The following NFIB variants were observed in gnomAD, a reference collection of about 807,000 sequenced individuals.
NFIB encodes nuclear factor 1 B-type.
In NFIB, 11 loss-of-function variants were observed where a neutral mutation model predicts 61.5. The observed-to-expected ratio is 0.18, with a 90% CI of 0.11 to 0.30. NFIB has a LOEUF of 0.30. NFIB is among the 10% of genes least tolerant of loss of function. The pLI is 1.00. For synonymous variants in NFIB, 260 were observed against 216.5 expected, an observed-to-expected ratio of 1.20 and a Z score of -1.76; for missense variants, 471 against 608.9, an observed-to-expected ratio of 0.77 and a Z score of 2.38.
At chr9:14,496,674 C>T in the NFIB span, among the ~76,000 whole-genome samples, 18 of 152,128 alleles carry the variant, frequency 1.2e-4, no homozygotes, top group South Asian at 4.1e-4. Context: ...GTGAGGTACC[C>T]ACACAGTTCC....
intron 2 of NFIB, among the ~76,000 whole-genome samples, chr9:14,225,156 C>G (rs368848226): frequency 1.3e-5 from 2 of 152,064 alleles, no homozygotes; most frequent in East Asian, 1.9e-4. Flanking sequence ...TAAGTGAGAA[C>G]AGAAGGTATT....
chr9:14,121,111 A>G (rs1184443140), intron 7 of NFIB, among the ~76,000 whole-genome samples: 1 of 152,248 alleles, frequency 6.6e-6, no homozygotes, highest in East Asian at 1.9e-4. Flanking sequence ...GAAAATACAA[A>G]AAATTAGCTG....
chr9:14,503,153 AATAT>A, the NFIB span, among the ~76,000 whole-genome samples: 2 of 149,714 alleles, frequency 1.3e-5, no homozygotes, highest in Non-Finnish European at 3.0e-5. Flanking sequence ...TATATAAAAT[AATAT>A]ATATATATAT....
At chr9:14,360,659 C>A (rs1294629844) in intron 1 of NFIB, among the ~76,000 whole-genome samples, 1 of 151,996 alleles carries the variant, frequency 6.6e-6, no homozygotes, top group Non-Finnish European at 1.5e-5. Flanking sequence ...ATTCTCCTGC[C>A]TCAGCCTTCT....
chr9:14,157,334 G>A lies in NFIB; in HGVS notation c.617-1441C>T, dbSNP rs555856406. On this transcript the variant is annotated intron_variant, in intron 3 of 10. Coordinates refer to ENST00000380953, the MANE Select transcript of NFIB (RefSeq NM_001190737.2). Reference sequence around the variant, plus strand: ...CAACCATACATAGCATGAAAAGACAGAAAATCATTCAATTAGCATATGTGT... The same window carrying A: ...CAACCATACATAGCATGAAAAGACAAAAAATCATTCAATTAGCATATGTGT... 2.0e-4 allele frequency among the ~76,000 whole-genome samples: 31 copies of A among 152,206 alleles called. No individual in the cohort carries two copies. In the South Asian group the frequency reaches 6.0e-3, roughly 30 times the overall value.
At chr9:14,369,763 C>T (rs1372642348) in intron 1 of NFIB, among the ~76,000 whole-genome samples, 1 of 152,206 alleles carries the variant, frequency 6.6e-6, no homozygotes, top group African/African-American at 2.4e-5. Context: ...CTTTTCATCA[C>T]AGCTTCTACT....
At chr9:14,478,491 A>C in the NFIB span, among the ~76,000 whole-genome samples, 1 of 152,246 alleles carries the variant, frequency 6.6e-6, no homozygotes, top group African/African-American at 2.4e-5. Flanking sequence ...TCTACCCTAA[A>C]GAGATCTTGT....
chr9:14,306,703 C>T (rs989457238), intron 2 of NFIB, among the ~76,000 whole-genome samples: 2 of 151,952 alleles, frequency 1.3e-5, no homozygotes, highest in African/African-American at 4.8e-5. Context: ...GTTAGACTAC[C>T]CTATGTCTTT....
the NFIB span, among the ~76,000 whole-genome samples, chr9:14,456,182 C>A: frequency 2.0e-5 from 3 of 148,836 alleles, no homozygotes; most frequent in Admixed American, 6.8e-5. Context: ...ACTGAAGTTA[C>A]AAAAGTACCT....
chr9:14,100,515 T>C (rs2035599013), intron 10 of NFIB, among the ~76,000 whole-genome samples: 1 of 152,064 alleles, frequency 6.6e-6, no homozygotes, highest in South Asian at 2.1e-4. Context: ...GAGACCATCC[T>C]GGCTAACACA....
the NFIB span, among the ~76,000 whole-genome samples, chr9:14,490,052 T>G: frequency 6.6e-6 from 1 of 152,200 alleles, no homozygotes; most frequent in African/African-American, 2.4e-5. Flanking sequence ...TTCCTAGAAG[T>G]AGAAATGGGT....
In NFIB at chr9:14,178,892, C is replaced by T. The variant is rs574612961; in HGVS notation, c.616+835G>A. ...TATAAACTTTCTGGTTTATTTTCAA[C>T]GAAAGGACAGATGAGATTGTTTGGG... On this transcript the variant is annotated intron_variant, in intron 3 of 10. Transcript: ENST00000380953. 2.4e-3 allele frequency among the ~76,000 whole-genome samples: 371 copies of T among 152,098 alleles called. 2 individuals are homozygous for T. Among genetic ancestry groups the T allele is most frequent in the African/African-American group, 8.4e-3 (348 of 41,482 alleles).
chr9:14,099,628 C>G (rs1730525499), intron 10 of NFIB, among the ~76,000 whole-genome samples: 1 of 152,204 alleles, frequency 6.6e-6, no homozygotes, highest in Non-Finnish European at 1.5e-5. Flanking sequence ...CTGCATCACA[C>G]CTAGATTTTA....
chr9:14,277,361 A>ACG (rs2058072761), intron 2 of NFIB, among the ~76,000 whole-genome samples: 1 of 151,732 alleles, frequency 6.6e-6, no homozygotes, highest in Non-Finnish European at 1.5e-5. Flanking sequence ...ACACACACAC[A>ACG]CACACACATT....
At chr9:14,217,537 G>A (rs1178829997) in intron 2 of NFIB, among the ~76,000 whole-genome samples, 4 of 151,854 alleles carry the variant, frequency 2.6e-5, no homozygotes, top group African/African-American at 9.7e-5. Flanking sequence ...GCGCATGCCT[G>A]TAATCCCAGC....
intron 10 of NFIB, among the ~76,000 whole-genome samples, chr9:14,111,925 A>C (rs950902184): frequency 6.6e-6 from 1 of 152,152 alleles, no homozygotes; most frequent in African/African-American, 2.4e-5. Flanking sequence ...CTTGGGCTGC[A>C]ACTGGAAAGG....
intron 3 of NFIB, among the ~76,000 whole-genome samples, chr9:14,175,774 G>A (rs1396986283): frequency 1.3e-5 from 2 of 152,088 alleles, no homozygotes; most frequent in East Asian, 3.9e-4. Flanking sequence ...TACTAGAAAG[G>A]CCCCAAAAGT....
At chr9:14,259,112 T>C (rs2056503680) in intron 2 of NFIB, among the ~76,000 whole-genome samples, 1 of 152,188 alleles carries the variant, frequency 6.6e-6, no homozygotes, top group South Asian at 2.1e-4. Context: ...TGGTATTGAG[T>C]GAACCCTGCC....
At chr9:14,470,382 A>G in the NFIB span, among the ~76,000 whole-genome samples, 1 of 152,124 alleles carries the variant, frequency 6.6e-6, no homozygotes, top group Non-Finnish European at 1.5e-5. Context: ...GTGAGCTTTC[A>G]ACTTACTCCT....
Sources: gnomAD v4.1 joint callset for allele counts (sites outside exome capture counted in the v4.1 genomes callset) on GRCh38, gnomAD v4.1.1 for gene constraint, MANE v1.5 for transcripts, NCBI Gene and HGNC (gene_info 2026-07-23, HGNC 2026-07-21) for gene names.